MTHFD1: variants seen among roughly 807,000 people sequenced by gnomAD.
The protein encoded by MTHFD1 is C-1-tetrahydrofolate synthase, cytoplasmic.
MTHFD1 carries 44 observed loss-of-function variants against 110.3 expected under a neutral mutation model. That is an observed-to-expected ratio of 0.40 (90% CI 0.31 to 0.51). The LOEUF (loss-of-function observed/expected upper bound fraction) is 0.51. MTHFD1 is among the 20% of genes least tolerant of loss of function. MTHFD1 has a pLI of 0.60. For missense variants in MTHFD1, 909 were observed against 1,173.1 expected (o/e 0.77, Z 3.29); for synonymous variants, 402 against 428.8 (o/e 0.94, Z 0.77).
At chr14:64,440,469 G>C in intron 18 of MTHFD1, 1 of 663,534 alleles carries the variant, frequency 1.5e-6, no homozygotes. Flanking sequence ...GTATGCTTTA[G>C]TAATAGATCA....
At chr14:64,395,706 G>A (rs2077842837) in intron 1 of MTHFD1, among the ~76,000 whole-genome samples, 1 of 152,094 alleles carries the variant, frequency 6.6e-6, no homozygotes, top group African/African-American at 2.4e-5. Context: ...ATGGGGAAGG[G>A]GTATGCTATT....
At chr14:64,449,181 C>G (rs1399776921) in intron 23 of MTHFD1, 1 of 513,888 alleles carries the variant, frequency 1.9e-6, no homozygotes, top group Non-Finnish European at 3.5e-6. Flanking sequence ...GATTTACCAT[C>G]TGAGTCTCAT....
At chr14:64,410,410 G>GT (rs1032560197) in intron 2 of MTHFD1, among the ~76,000 whole-genome samples, 2 of 58,676 alleles carry the variant, frequency 3.4e-5, no homozygotes, top group African/African-American at 8.7e-5. Context: ...GTAAAGATGG[G>GT]GGGGGGGGTC....
At chr14:64,431,674 A>C in intron 14 of MTHFD1, 35 bp downstream of exon 14, 2 of 1,606,420 alleles carry the variant, frequency 1.2e-6, no homozygotes, top group Non-Finnish European at 1.7e-6. Flanking sequence ...CCCATTGAAC[A>C]GTTTTGAAAG....
intron 1 of MTHFD1, among the ~76,000 whole-genome samples, chr14:64,399,536 G>A (rs112192204): frequency 6.6e-6 from 1 of 151,704 alleles, no homozygotes; most frequent in Non-Finnish European, 1.5e-5. Flanking sequence ...GCACGTGCCT[G>A]TAATCTCAGC....
At chr14:64,395,941 C>T (rs145605959) in intron 1 of MTHFD1, among the ~76,000 whole-genome samples, 2 of 152,286 alleles carry the variant, frequency 1.3e-5, no homozygotes, top group East Asian at 3.9e-4. Flanking sequence ...ACTATTCTGA[C>T]TTATTTTCAT....
chr14:64,443,492 A>C (rs572728758), intron 21 of MTHFD1, among the ~76,000 whole-genome samples: 13 of 152,350 alleles, frequency 8.5e-5, no homozygotes, highest in African/African-American at 2.9e-4. Context: ...GAGAATGATA[A>C]TGAGAGTAAA....
At chr14:64,428,454 G>A (rs938510205) in intron 12 of MTHFD1, among the ~76,000 whole-genome samples, 6 of 150,702 alleles carry the variant, frequency 4.0e-5, no homozygotes, top group African/African-American at 1.5e-4. Flanking sequence ...ATTATGATAG[G>A]TTCTTAGAGT....
Position 64,442,160 on chromosome 14 carries a change from T to A in MTHFD1, c.1991T>A (p.Phe664Tyr). 1 of 1,614,000 alleles carries A rather than the reference T, an allele frequency of 6.2e-7. No homozygotes were observed. Among genetic ancestry groups the A allele is most frequent in the Non-Finnish European group, 8.5e-7 (1 of 1,179,858 alleles). Residue 664 changes from phenylalanine (F) to tyrosine (Y), a missense_variant, in exon 20 of 28, where the codon TTT becomes TAT. Coordinates refer to ENST00000652337, the MANE Select transcript of MTHFD1 (RefSeq NM_005956.4). ...CTCAAGCTTGTTGGCCCAGAAGGGT[T>A]TGTAGGTTAGTGTTTTTTGCAAAAC... ...IALKLVGPEGFVVTEAGFGAD... is the reference protein window; with the variant it reads ...IALKLVGPEGYVVTEAGFGAD...
chr14:64,449,964 A>AT (rs199540813), intron 24 of MTHFD1, among the ~76,000 whole-genome samples: 4 of 151,838 alleles, frequency 2.6e-5, no homozygotes, highest in Admixed American at 2.6e-4. Context: ...AATTTTTCTT[A>AT]TTTTTTTAGT....
Position 64,449,621 on chromosome 14 carries a change from A to C in MTHFD1, c.2456A>C (p.Lys819Thr), listed in dbSNP as rs1344792111. ...AGCTTCCAGCTCCTTTATGACCTCAAGGTGGGTGATTTGCTGTCTGCAAAA... is the reference window on the plus strand; with the variant it reads ...AGCTTCCAGCTCCTTTATGACCTCACGGTGGGTGATTTGCTGTCTGCAAAA... Reference protein sequence around the residue: ...PSSFQLLYDLKLPVEDKIRII... With the variant: ...PSSFQLLYDLTLPVEDKIRII... The change falls in exon 24 of 28, where the codon AAG becomes ACG. Residue 819 changes from lysine (K) to threonine (T), a missense_variant and splice_region_variant. Around this residue, in one of 3 missense-constraint regions of MTHFD1, gnomAD observed 482 missense variants for 646.0 expected, o/e 0.75. Transcript: ENST00000652337. The C allele has an allele frequency of 6.2e-7, 1 of 1,613,942 alleles. No homozygotes were observed. Among genetic ancestry groups the C allele is most frequent in the African/African-American group, 1.3e-5 (1 of 74,932 alleles).
intron 18 of MTHFD1, chr14:64,440,740 T>C (rs1271955422): frequency 1.6e-5 from 4 of 251,652 alleles, no homozygotes; most frequent in Non-Finnish European, 3.1e-5. Context: ...ATACCAGAGT[T>C]ACAAATAACT....
intron 5 of MTHFD1, 21 bp from the exon 6 acceptor site, chr14:64,415,618 T>G: frequency 6.2e-7 from 1 of 1,613,220 alleles, no homozygotes; most frequent in East Asian, 2.2e-5. Context: ...ATTTCCTTCT[T>G]ATTTCCATCA....
rs143413657 is a variant in MTHFD1, at chr14:64,426,098, G to A, written c.1033G>A (p.Val345Ile). The A allele has an allele frequency of 1.1e-4, 181 of 1,614,104 alleles. No homozygotes were observed. In the African/African-American group the frequency reaches 2.2e-3, roughly 19 times the overall value. Residue 345 changes from valine to isoleucine, a missense_variant, in exon 11 of 28, where the codon GTA (valine) becomes ATA (isoleucine). Physicochemically the swap from Val to Ile is conservative, Grantham distance 29. Around this residue, in one of 3 missense-constraint regions of MTHFD1, gnomAD observed 424 missense variants for 510.4 expected, o/e 0.83. Transcript: ENST00000652337. Reference sequence around the variant, plus strand: ...AGAAATTGGTCTGCTGTCTGAAGAGGTAGAATTATATGGTGAAACAAAGGC... The same window carrying A: ...AGAAATTGGTCTGCTGTCTGAAGAGATAGAATTATATGGTGAAACAAAGGC... ...AREIGLLSEE[V>I]ELYGETKAKV...
rs773648963 is a variant in MTHFD1 at position 64,415,361 on chromosome 14, A to G, written c.244A>G (p.Met82Val). The G allele has an allele frequency of 1.9e-6, 3 of 1,608,042 alleles. No individual in the cohort carries two copies. Among genetic ancestry groups the G allele is most frequent in the East Asian group, 4.5e-5 (2 of 44,844 alleles). ...LPRTTTESEV[M>V]KYITSLNEDS... ...TTATATATGGTATTACTTTTAGGTG[A>G]TGAAGTACATTACATCTTTGAATGA... is the stretch of plus-strand genomic sequence containing the variant. Residue 82 changes from methionine (M) to valine (V), a missense_variant, in exon 5 of 28, where the codon ATG (methionine) becomes GTG (valine). Met to Val is a conservative substitution (Grantham distance 21). Coordinates refer to ENST00000652337, the MANE Select transcript of MTHFD1 (RefSeq NM_005956.4).
chr14:64,395,140 A>G (rs1205207196), intron 1 of MTHFD1, among the ~76,000 whole-genome samples: 1 of 152,250 alleles, frequency 6.6e-6, no homozygotes, highest in Non-Finnish European at 1.5e-5. Context: ...ACTCAGAGCC[A>G]ACCTTGTCTT....
At chr14:64,438,134 A>G (rs2078220956) in intron 16 of MTHFD1, among the ~76,000 whole-genome samples, 1 of 152,136 alleles carries the variant, frequency 6.6e-6, no homozygotes, top group Non-Finnish European at 1.5e-5. Context: ...TGGCCCCCCA[A>G]AGTGCTGGGA....
In MTHFD1 at chr14:64,388,561, A is replaced by G. The variant is rs1596526269; in HGVS notation, c.41+93A>G. On this transcript the variant is annotated intron_variant, in intron 1 of 27. Transcript: ENST00000652337. ...CGGACCCATTTTTTGCGGGAGGGAC[A>G]CTTGTAGCGGAAGAGTTAGGCCCAT... 8 of 1,161,080 alleles carry G rather than the reference A, an allele frequency of 6.9e-6. No homozygotes were observed. In the East Asian group the frequency reaches 1.4e-4, roughly 21 times the overall value. 71.9% of individuals were successfully genotyped at this position (1,161,080 alleles called of 1,614,324 possible). A position where few individuals can be genotyped will look rare whatever the true frequency, so the allele number is the denominator to read the frequency against.
intron 2 of MTHFD1, among the ~76,000 whole-genome samples, chr14:64,404,638 T>C (rs1316900728): frequency 2.6e-5 from 4 of 152,168 alleles, no homozygotes; most frequent in African/African-American, 9.7e-5. Flanking sequence ...CAATAGATCA[T>C]TTAATCCCTT....
Sources: allele counts gnomAD v4.1 joint callset (sites outside exome capture counted in the v4.1 genomes callset), GRCh38; gene constraint gnomAD v4.1.1; regional missense constraint gnomAD v4.1.1; transcripts MANE v1.5; gene names NCBI Gene and HGNC (gene_info 2026-07-23, HGNC 2026-07-21).